The following PARP3 variants were observed in gnomAD, a reference collection of about 807,000 sequenced individuals.
PARP3 encodes the protein protein mono-ADP-ribosyltransferase PARP3.
PARP3 carries 46 observed loss-of-function variants against 58.2 expected under a neutral mutation model. The observed-to-expected ratio is 0.79, with a 90% CI of 0.62 to 1.01. The LOEUF (loss-of-function observed/expected upper bound fraction) is 1.01, where lower values mean the gene tolerates loss of function less well. Among genes scored for constraint, PARP3 ranks in the 50% least tolerant of loss-of-function variants. The probability of loss-of-function intolerance (pLI) is 0.00; values close to 1 mark genes in which losing one functional copy is unlikely to be tolerated. For synonymous variants in PARP3, 252 were observed against 266.4 expected, an observed-to-expected ratio of 0.95 and a Z score of 0.53; for missense variants, 663 against 683.9, an observed-to-expected ratio of 0.97 and a Z score of 0.34.
intron 8 of PARP3, 44 bp downstream of exon 8, chr3:51,945,983 T>C (rs1699667905): frequency 1.3e-6 from 2 of 1,531,168 alleles, no homozygotes; most frequent in African/African-American, 1.4e-5. Flanking sequence ...CACTGTGCCT[T>C]AGGAAGATGT....
chr3:51,944,847 A>G lies in PARP3; in HGVS notation c.571A>G (p.Lys191Glu), dbSNP rs1255736845. 1.8e-5 allele frequency: 29 copies of G among 1,613,882 alleles called. No homozygotes were observed. The highest frequency in any genetic ancestry group is 2.5e-5 in the Non-Finnish European group (29 of 1,180,040). Residue 191 changes from lysine to glutamate, a missense_variant, in exon 5 of 11, where the codon AAG becomes GAG. Transcript: ENST00000398755. This position sits in a 1 kb window ranked among gnomAD's most constrained non-coding sequence, Gnocchi z 4.2. ...CTGCTCCCTGGACCCAGCCACGCAGAAGCTCATCACTAACATCTTCAGCAA... is the reference window on the plus strand; with the variant it reads ...CTGCTCCCTGGACCCAGCCACGCAGGAGCTCATCACTAACATCTTCAGCAA... ...QPCSLDPATQ[K>E]LITNIFSKEM...
Position 51,945,891 on chromosome 3 carries a change from C to A in PARP3, c.1050C>A (p.His350Gln). The A allele has an allele frequency of 6.2e-7, 1 of 1,614,122 alleles. No individual in the cohort carries two copies. Among genetic ancestry groups the A allele is most frequent in the Non-Finnish European group, 8.5e-7 (1 of 1,180,002 alleles). Residue 350 changes from histidine to glutamine, a missense_variant, in exon 8 of 11, where the codon CAC (histidine) becomes CAA (glutamine). This residue lies in a region of PARP3 where 567 missense variants were observed against 553.6 expected (regional missense o/e 1.02). Transcript: ENST00000398755. ...ACTTAGAACAGACTGGCAGCAACCA[C>A]AGGTGCCCTACACTTCAACACATCT... ...QTYLEQTGSN[H>Q]RCPTLQHIWK...
intron 1 of PARP3, 178 bp from the exon 2 acceptor site, chr3:51,943,176 T>TG: frequency 1.1e-6 from 1 of 933,344 alleles, no homozygotes. Flanking sequence ...GGGTGTGGTC[T>TG]GGGGCTGGGA....
chr3:51,945,554 G>A lies in PARP3; in HGVS notation c.921G>A (p.Thr307=), dbSNP rs147748277. ...ALQAVSEQEK[T]VEEVPHPLDR... is the part of the protein sequence containing the mutation. ...AGGCAGTCTCTGAGCAGGAGAAGAC[G>A]GTGGAGGAGGTGCCACACCCCCTGG... Residue 307 remains threonine, a synonymous_variant, in exon 7 of 11, where the codon ACG becomes ACA. Coordinates refer to ENST00000398755, the MANE Select transcript of PARP3 (RefSeq NM_001003931.4). 571 of 1,613,894 alleles carry A rather than the reference G, an allele frequency of 3.5e-4. 1 individual carries two copies. The highest frequency in any genetic ancestry group is 2.8e-3 in the Middle Eastern group (17 of 6,054).
chr3:51,945,328 G>A, intron 6 of PARP3, 104 bp downstream of exon 6: 1 of 1,380,784 alleles, frequency 7.2e-7, no homozygotes, highest in Middle Eastern at 2.0e-4. Context: ...AGGATGGACT[G>A]CCTGGGCAGG....
In PARP3 at chr3:51,946,915, G is replaced by A. The variant is rs564581445; in HGVS notation, c.1276+572G>A. ...GGTGGGCTAGGGGCCCAGAACGATCGAGGAGGCTTTATCCAGAGAGTGATG... is the reference window on the plus strand; with the variant it reads ...GGTGGGCTAGGGGCCCAGAACGATCAAGGAGGCTTTATCCAGAGAGTGATG... On this transcript the variant is annotated intron_variant, in intron 9 of 10. Transcript: ENST00000398755. This position sits in a 1 kb window ranked among gnomAD's most constrained non-coding sequence, Gnocchi z 4.6. 3.9e-5 allele frequency among the ~76,000 whole-genome samples: 6 copies of A among 152,300 alleles called. No individual in the cohort carries two copies. Among genetic ancestry groups the A allele is most frequent in the Admixed American group, 2.6e-4 (4 of 15,308 alleles).
chr3:51,944,241 C>T lies in PARP3; in HGVS notation c.312+24C>T. 4.3e-6 allele frequency: 7 copies of T among 1,613,624 alleles called. No individual in the cohort carries two copies. The highest frequency in any genetic ancestry group is 1.3e-5 in the African/African-American group (1 of 75,048). On this transcript the variant is annotated intron_variant, in intron 3 of 10. Coordinates refer to ENST00000398755, the MANE Select transcript of PARP3 (RefSeq NM_001003931.4). This position sits in a 1 kb window ranked among gnomAD's most constrained non-coding sequence, Gnocchi z 4.2. The stretch of plus-strand genomic sequence containing the variant: ...TGGTGAGTGCCCTGCCTGCTCTGCA[C>T]ATACTCCCCAGGGTCCTCAAAAGGC...
At position 51,942,369 on chromosome 3, in the gene PARP3, C is replaced by T. The variant is rs62259752; in HGVS notation, c.-342C>T. On this transcript the variant is annotated 5_prime_UTR_variant, in exon 1 of 11. Transcript: ENST00000398755. ...TGTATCCGGGCCCAAGGTCACCGCG[C>T]GACCGGCAGATGCGTGCTGCAGGCC... 2 of 522,760 alleles carry T rather than the reference C, an allele frequency of 3.8e-6. No individual in the cohort carries two copies. Among genetic ancestry groups the T allele is most frequent in the Non-Finnish European group, 6.9e-6 (2 of 288,500 alleles). The allele number at this position is 522,760 out of a possible 1,614,324, so 32.4% of individuals were successfully genotyped here.
rs376269959 is a variant in PARP3, at chr3:51,943,245, G to A, written c.-2-109G>A. On this transcript the variant is annotated intron_variant, in intron 1 of 10. Transcript: ENST00000398755. ...GGCCACCGAAGGGCCAACCCGGGGT[G>A]GGGCAAGTTGGTGCTGTGCTGGCCC... 857 of 1,196,704 alleles carry A rather than the reference G, an allele frequency of 7.2e-4. 9 individuals carry two copies. In the African/African-American group the frequency reaches 0.012, roughly 17 times the overall value. 74.1% of individuals were successfully genotyped at this position (1,196,704 alleles called of 1,614,324 possible).
Position 51,947,753 on chromosome 3 carries a change from G to A in PARP3, c.1290G>A (p.Lys430=), listed in dbSNP as rs1481094404. ...TGTGTCTTGCAGTTATTGGCATGAA[G>A]TGTGGGGCCCACCATGTCGGCTACA... The part of the protein sequence containing the change: ...SKSAGYVIGM[K]CGAHHVGYMF... Residue 430 remains lysine, a synonymous_variant, in exon 10 of 11, where the codon AAG becomes AAA. Transcript: ENST00000398755. The A allele has an allele frequency of 1.2e-6, 2 of 1,614,064 alleles. No individual in the cohort carries two copies. The highest frequency in any genetic ancestry group is 1.7e-6 in the Non-Finnish European group (2 of 1,180,032).
In PARP3 at chr3:51,945,494, GGTGCTGGCGGACATC is replaced by G; in HGVS notation, c.863_877del (p.Val288_Ile292del). The G allele has an allele frequency of 1.2e-6, 2 of 1,613,228 alleles. No individual in the cohort carries two copies. Among genetic ancestry groups the G allele is most frequent in the East Asian group, 4.5e-5 (2 of 44,864 alleles). Reference sequence around the variant, plus strand: ...CAAACTGCCAGGGCCCATCATCCTAGGTGCTGGCGGACATCGAGCTGGCCCAGGCCCTGCAGGCAG... The same window carrying G: ...CAAACTGCCAGGGCCCATCATCCTAGGAGCTGGCCCAGGCCCTGCAGGCAG... On this transcript the variant is annotated inframe_deletion and splice_region_variant, in exon 7 of 11. Coordinates refer to ENST00000398755, the MANE Select transcript of PARP3 (RefSeq NM_001003931.4).
In PARP3 at chr3:51,942,436, T is replaced by G. The variant is rs191708331; in HGVS notation, c.-275T>G. 4.7e-4 allele frequency: 283 copies of G among 597,454 alleles called. 1 individual carries two copies. In the East Asian group the frequency reaches 6.7e-3, roughly 14 times the overall value. The allele number at this position is 597,454 out of a possible 1,614,324, so 37.0% of individuals were successfully genotyped here. A position where few individuals can be genotyped will look rare whatever the true frequency, so the allele number is the denominator to read the frequency against. ...CGCTACGGACGCGACTGCCCCGGCC[T>G]TGGATATGCCAGATCGAGTGTCCAC... is the stretch of plus-strand genomic sequence containing the variant. On this transcript the variant is annotated 5_prime_UTR_variant, in exon 1 of 11. Coordinates refer to ENST00000398755, the MANE Select transcript of PARP3 (RefSeq NM_001003931.4).
At chr3:51,947,949 G>C in intron 10 of PARP3, 54 bp downstream of exon 10, 1 of 1,559,354 alleles carries the variant, frequency 6.4e-7, no homozygotes, top group African/African-American at 1.4e-5. Flanking sequence ...CGAGATAGGG[G>C]CTGGGACATT....
Position 51,944,183 on chromosome 3 carries a change from G to A in PARP3, c.278G>A (p.Arg93His), listed in dbSNP as rs745485603. ...YIIQLLQDSN[R>H]FFTCWNRWGR... ...ATCCAGCTGCTCCAAGACAGCAACC[G>A]CTTCTTCACCTGCTGGAACCGCTGG... is the stretch of plus-strand genomic sequence containing the variant. Residue 93 changes from arginine (R) to histidine (H), a missense_variant, in exon 3 of 11, where the codon CGC becomes CAC. Arg to His is a conservative substitution (Grantham distance 29). Coordinates refer to ENST00000398755, the MANE Select transcript of PARP3 (RefSeq NM_001003931.4). This position sits in a 1 kb window ranked among gnomAD's most constrained non-coding sequence, Gnocchi z 4.2. 6.2e-6 allele frequency: 10 copies of A among 1,613,930 alleles called. No individual in the cohort carries two copies. Among genetic ancestry groups the A allele is most frequent in the South Asian group, 1.1e-5 (1 of 91,072 alleles).
rs967079536 is a variant in PARP3 at position 51,946,996 on chromosome 3, G to C, written c.1276+653G>C. 2.0e-5 allele frequency among the ~76,000 whole-genome samples: 3 copies of C among 152,256 alleles called. No individual in the cohort carries two copies. Among genetic ancestry groups the C allele is most frequent in the Admixed American group, 6.5e-5 (1 of 15,282 alleles). On this transcript the variant is annotated intron_variant, in intron 9 of 10. Coordinates refer to ENST00000398755, the MANE Select transcript of PARP3 (RefSeq NM_001003931.4). The surrounding 1 kb of genome is among the most constrained non-coding windows in gnomAD (Gnocchi z 4.6). Reference sequence around the variant, plus strand: ...ATCCCAGTGGCTACAGCTGTGGAGAGGGGGGCAGCAGCCAGAGGCTGCAGA... The same window carrying C: ...ATCCCAGTGGCTACAGCTGTGGAGACGGGGGCAGCAGCCAGAGGCTGCAGA...
chr3:51,948,216 T>C (rs2106701042), intron 10 of PARP3, 95 bp from the exon 11 acceptor site: 2 of 1,275,830 alleles, frequency 1.6e-6, no homozygotes, highest in South Asian at 1.4e-5. Context: ...AGGCGTGCCC[T>C]GTGACAGACA....
intron 10 of PARP3, 44 bp downstream of exon 10, chr3:51,947,939 C>T (rs747649683): frequency 1.0e-4 from 160 of 1,566,438 alleles, no homozygotes; most frequent in Non-Finnish European, 1.2e-4. Context: ...GAGGTGGGGC[C>T]GAGATAGGGG....
In PARP3 at chr3:51,944,348, A is replaced by G. The variant is rs1274700772; in HGVS notation, c.313-42A>G. The G allele has an allele frequency of 6.2e-7, 1 of 1,611,350 alleles. No homozygotes were observed. The highest frequency in any genetic ancestry group is 8.5e-7 in the Non-Finnish European group (1 of 1,178,442). On this transcript the variant is annotated intron_variant, in intron 3 of 10. Transcript: ENST00000398755. The surrounding 1 kb of genome is among the most constrained non-coding windows in gnomAD (Gnocchi z 4.2). The stretch of plus-strand genomic sequence containing the variant: ...GCCTGGCCCGACACACAGGCCAGCA[A>G]ATGCTGATGGTGGGCATACCCCTGA...
At chr3:51,947,384 G>T (rs554123505) in intron 9 of PARP3, among the ~76,000 whole-genome samples, 1 of 152,116 alleles carries the variant, frequency 6.6e-6, no homozygotes, top group African/African-American at 2.4e-5. Flanking sequence ...AAAGAGTGGC[G>T]GGGTGGAGGG....
Sources: allele counts gnomAD v4.1 joint callset (sites outside exome capture counted in the v4.1 genomes callset), GRCh38; gene constraint gnomAD v4.1.1; regional missense constraint gnomAD v4.1.1; non-coding constraint Gnocchi (gnomAD v3.1); transcripts MANE v1.5; gene names NCBI Gene and HGNC (gene_info 2026-07-23, HGNC 2026-07-21).